MUC6: variants seen among roughly 807,000 people sequenced by gnomAD.
The protein encoded by MUC6 is mucin-6.
Under a neutral mutation model 201.5 loss-of-function variants are expected in MUC6, and 188 were observed. That is an observed-to-expected ratio of 0.93 (90% confidence interval 0.83 to 1.05). MUC6 has a LOEUF of 1.05. Among genes scored for constraint, MUC6 ranks in the 50% least tolerant of loss-of-function variants. The pLI is 0.00. For synonymous variants in MUC6, 1,228 were observed against 1,389.4 expected (o/e 0.88, Z 2.58); for missense variants, 2,706 against 3,256.9 (o/e 0.83, Z 4.12).
At chr11:1,018,890 A>T (rs1487074854) in intron 30 of MUC6, 120 bp from the exon 31 acceptor site, 1 of 1,311,378 alleles carries the variant, frequency 7.6e-7, no homozygotes. Flanking sequence ...TGTTCCTGTG[A>T]CATGGCCCCT....
chr11:1,031,360 C>A (rs1032855698), intron 4 of MUC6, 101 bp from the exon 5 acceptor site: 2 of 1,227,736 alleles, frequency 1.6e-6, no homozygotes, highest in African/African-American at 1.5e-5. Context: ...CCCCCACCAT[C>A]CCCCCACCTG....
In MUC6 at chr11:1,016,553, G is replaced by T; in HGVS notation, c.6248C>A (p.Ala2083Asp). ...QTHSSFSTAT[A>D]SSSFISSSSW... ...CGAGGAGGATATGAAGGAAGAAGAG[G>T]CTGTAGCTGTGCTGAATGAGCTGTG... Residue 2083 changes from alanine (A) to aspartate (D), a missense_variant, in exon 31 of 33, where the codon GCC becomes GAC. Around this residue, in one of 10 missense-constraint regions of MUC6, gnomAD observed 586 missense variants for 488.0 expected, o/e 1.20. Coordinates refer to ENST00000421673, the MANE Select transcript of MUC6 (RefSeq NM_005961.3). The T allele has an allele frequency of 6.2e-7, 1 of 1,612,546 alleles. No individual in the cohort carries two copies. The highest frequency in any genetic ancestry group is 8.5e-7 in the Non-Finnish European group (1 of 1,179,218).
At position 1,031,010 on chromosome 11, in the gene MUC6, G is replaced by A. The variant is rs778761257; in HGVS notation, c.621C>T (p.Asp207=). The change falls in exon 6 of 33, where the codon GAC becomes GAT. Residue 207 remains aspartate, a synonymous_variant. Coordinates refer to ENST00000421673, the MANE Select transcript of MUC6 (RefSeq NM_005961.3). ...PHKFAALQKL[D]DPGEICTFQD... is the part of the protein sequence containing the mutation. ...GGAAGGTGCAGATCTCGCCGGGGTC[G>A]TCCAGCTTCTGGAGGGCAGCAAACT... is the stretch of plus-strand genomic sequence containing the variant. The A allele has an allele frequency of 1.1e-5, 17 of 1,561,894 alleles. No homozygotes were observed. Among genetic ancestry groups the A allele is most frequent in the Admixed American group, 1.9e-5 (1 of 51,612 alleles).
rs199574319 is a variant in MUC6 at position 1,027,022 on chromosome 11, C to T, written c.2313G>A (p.Lys771=). The stretch of plus-strand genomic sequence containing the variant: ...TGTTCTCGGAGGACTGGCTGCAGGA[C>T]TTGAAGGTCTTAGGGGCCTGGCAGG... ...LASCQAPKTF[K]SCSQSSENKF... is the part of the protein sequence containing the mutation. The change falls in exon 19 of 33, where the codon AAG becomes AAA. Residue 771 remains lysine (K), a synonymous_variant. Coordinates refer to ENST00000421673, the MANE Select transcript of MUC6 (RefSeq NM_005961.3). 1.2e-6 allele frequency: 2 copies of T among 1,602,748 alleles called. No individual in the cohort carries two copies. Among genetic ancestry groups the T allele is most frequent in the African/African-American group, 2.7e-5 (2 of 74,718 alleles).
At chr11:1,021,367 GCTT>G in intron 26 of MUC6, 90 bp from the exon 27 acceptor site, 2 of 605,818 alleles carry the variant, frequency 3.3e-6, no homozygotes, top group Non-Finnish European at 5.0e-6. Context: ...CTTCCTCTCT[GCTT>G]TTTTTTTTTT....
At position 1,026,266 on chromosome 11, in the gene MUC6, C is replaced by T. The variant is rs59815765; in HGVS notation, c.2546+61G>A. 470 of 1,544,834 alleles carry T rather than the reference C, an allele frequency of 3.0e-4. 1 individual carries two copies. The African/African-American group carries it at 6.0e-3, about 20-fold the overall frequency. On this transcript the variant is annotated intron_variant, in intron 20 of 32. Transcript: ENST00000421673. ...TCTGGGACAGCCCCACCCCGGGCAG[C>T]CTCCGCCTGCCCCAGATGGCCCCAG...
In MUC6 at chr11:1,028,311, C is replaced by A; in HGVS notation, c.1668G>T (p.Ser556=). ...TSMGIAEGTA[S]LFVDSWRAGN... is the part of the protein sequence containing the mutation. ...CCGCCCGCCAGGAGTCCACAAACAG[C>A]GAGGCGGTGCCCTCGGCGATACCCA... The change falls in exon 14 of 33, where the codon TCG becomes TCT. Residue 556 remains serine (S), a synonymous_variant. Coordinates refer to ENST00000421673, the MANE Select transcript of MUC6 (RefSeq NM_005961.3). The A allele has an allele frequency of 1.2e-6, 2 of 1,611,672 alleles. No individual in the cohort carries two copies. Among genetic ancestry groups the A allele is most frequent in the Non-Finnish European group, 1.7e-6 (2 of 1,179,526 alleles).
At chr11:1,032,795 ATG>A (rs987699546) in intron 2 of MUC6, among the ~76,000 whole-genome samples, 2 of 143,280 alleles carry the variant, frequency 1.4e-5, no homozygotes, top group African/African-American at 5.3e-5. Context: ...GTGCTCATGC[ATG>A]TGTCATGTAC....
intron 28 of MUC6, 87 bp from the exon 29 acceptor site, chr11:1,020,344 C>G: frequency 6.7e-7 from 1 of 1,485,470 alleles, no homozygotes; most frequent in Non-Finnish European, 9.0e-7. Context: ...GGCCCTGAAG[C>G]CGGGCAGCCC....
chr11:1,030,920 A>G (rs751646957), intron 6 of MUC6, 27 bp downstream of exon 6: 2 of 1,549,098 alleles, frequency 1.3e-6, no homozygotes, highest in East Asian at 4.8e-5. Context: ...ACCTGGGGTC[A>G]GCCCCACCTG....
chr11:1,029,029 C>G lies in MUC6; in HGVS notation c.1380+17G>C, dbSNP rs758193062. On this transcript the variant is annotated intron_variant, in intron 11 of 32. Coordinates refer to ENST00000421673, the MANE Select transcript of MUC6 (RefSeq NM_005961.3). ...GCGGAGCCCTGCTGGCAGGGATGGG[C>G]GCAGGAAAGGCCTTACCTGCCTGGA... The G allele has an allele frequency of 2.5e-6, 4 of 1,612,508 alleles. No homozygotes were observed. The highest frequency in any genetic ancestry group is 3.4e-6 in the Non-Finnish European group (4 of 1,179,576).
Position 1,028,899 on chromosome 11 carries a change from T to C in MUC6, c.1443A>G (p.Pro481=). ...TGGGCCAGGACGTACGAGTCTTGTA[T>C]GGCAGCCACTTGGCTTCTCCGTTGT... The part of the protein sequence containing the change: ...VTNNGEAKWL[P]YKTRNITVFR... The change falls in exon 12 of 33, where the codon CCA becomes CCG. Residue 481 remains proline (P), a synonymous_variant. Coordinates refer to ENST00000421673, the MANE Select transcript of MUC6 (RefSeq NM_005961.3). 6.2e-7 allele frequency: 1 copy of C among 1,612,628 alleles called. No individual in the cohort carries two copies.
intron 20 of MUC6, 44 bp from the exon 21 acceptor site, chr11:1,026,185 G>A (rs753283252): frequency 1.9e-6 from 3 of 1,563,230 alleles, no homozygotes; most frequent in Non-Finnish European, 2.6e-6. Flanking sequence ...CGGCCCTCCT[G>A]CCATACTGGG....
intron 1 of MUC6, among the ~76,000 whole-genome samples, chr11:1,035,187 GAGA>G (rs1857191016): frequency 1.3e-5 from 2 of 152,214 alleles, no homozygotes; most frequent in South Asian, 4.1e-4. Flanking sequence ...CATGTTGGCA[GAGA>G]TGGCGCTCAG....
At position 1,028,276 on chromosome 11, in the gene MUC6, G is replaced by A. The variant is rs754012227; in HGVS notation, c.1703C>T (p.Pro568Leu). 1.2e-5 allele frequency: 19 copies of A among 1,603,414 alleles called. No individual in the cohort carries two copies. Among genetic ancestry groups the A allele is most frequent in the Middle Eastern group, 1.6e-4 (1 of 6,080 alleles). Reference protein sequence around the residue: ...FVDSWRAGNCPAALERETDPC... With the variant: ...FVDSWRAGNCLAALERETDPC... ...GTCAGTCTCACGCTCCAGAGCGGCCGGACAGTTCCCCGCCCGCCAGGAGTC... is the reference window on the plus strand; with the variant it reads ...GTCAGTCTCACGCTCCAGAGCGGCCAGACAGTTCCCCGCCCGCCAGGAGTC... Residue 568 changes from proline to leucine, a missense_variant, in exon 14 of 33, where the codon CCG (proline) becomes CTG (leucine). Pro to Leu is a moderately conservative substitution (Grantham distance 98). Transcript: ENST00000421673.
In MUC6 at chr11:1,023,937, G is replaced by GGTCACTCACGGCAGAAGGCCGGGGTC. The variant is rs1856885541; in HGVS notation, c.3366_3382+9dup. On this transcript the variant is annotated intron_variant, in intron 25 of 32. Coordinates refer to ENST00000421673, the MANE Select transcript of MUC6 (RefSeq NM_005961.3). ...GGCTGGAGCAACCTGTGGGAGGGGTGGTCACTCACGGCAGAAGGCCGGGGT... is the reference window on the plus strand; with the variant it reads ...GGCTGGAGCAACCTGTGGGAGGGGTGGTCACTCACGGCAGAAGGCCGGGGTCGTCACTCACGGCAGAAGGCCGGGGT... 1 of 1,610,722 alleles carries GGTCACTCACGGCAGAAGGCCGGGGTC rather than the reference G, an allele frequency of 6.2e-7. No individual in the cohort carries two copies. The highest frequency in any genetic ancestry group is 8.5e-7 in the Non-Finnish European group (1 of 1,178,822).
intron 26 of MUC6, among the ~76,000 whole-genome samples, chr11:1,023,127 GTGTGCGTGAA>G (rs1384119592): frequency 2.6e-5 from 4 of 150,946 alleles, no homozygotes; most frequent in Non-Finnish European, 5.9e-5. Flanking sequence ...ATGTGCATGA[GTGTGCGTGAA>G]TGTGCGTGAG....
At chr11:1,032,363 T>G (rs568279380) in intron 2 of MUC6, among the ~76,000 whole-genome samples, 124 of 151,856 alleles carry the variant, frequency 8.2e-4, no homozygotes, top group Non-Finnish European at 1.3e-3. Flanking sequence ...ATGTGTGCAT[T>G]GTGGGTGTGT....
chr11:1,031,923 G>T lies in MUC6; in HGVS notation c.246C>A (p.Phe82Leu), dbSNP rs924391539. 6.2e-7 allele frequency: 1 copy of T among 1,613,332 alleles called. No individual in the cohort carries two copies. The highest frequency in any genetic ancestry group is 1.3e-5 in the African/African-American group (1 of 74,952). ...AATCKDAFPT[F>L]SVQLRRGPDG... ...CTGGGCCTCGCCGCAGCTGGACACT[G>T]AAGGTGGGGAAGGCGTCCTTGCAGG... is the stretch of plus-strand genomic sequence containing the variant. Residue 82 changes from phenylalanine (F) to leucine (L), a missense_variant, in exon 3 of 33, where the codon TTC becomes TTA. Transcript: ENST00000421673.
Sources: gnomAD v4.1 joint callset for allele counts (sites outside exome capture counted in the v4.1 genomes callset) on GRCh38, gnomAD v4.1.1 for gene constraint, gnomAD v4.1.1 regional missense constraint, MANE v1.5 for transcripts, NCBI Gene and HGNC (gene_info 2026-07-23, HGNC 2026-07-21) for gene names.